The following DNAJC3 variants were observed in gnomAD, a reference collection of about 807,000 sequenced individuals.
DNAJC3 encodes the protein dnaJ homolog subfamily C member 3.
DNAJC3 carries 38 observed loss-of-function variants against 68.6 expected under a neutral mutation model. The observed-to-expected ratio is 0.55, with a 90% CI of 0.43 to 0.73. DNAJC3 has a LOEUF of 0.73. Among genes scored for constraint, DNAJC3 ranks in the 30% least tolerant of loss-of-function variants. The pLI is 0.00. For missense variants in DNAJC3, 526 were observed against 591.9 expected (o/e 0.89, Z 1.16); for synonymous variants, 203 against 204.0 (o/e 1.00, Z 0.04).
At chr13:95,697,869 T>TTCAACCTTCTCTTGGTTC (rs1880491577) in intron 1 of DNAJC3, among the ~76,000 whole-genome samples, 1 of 151,816 alleles carries the variant, frequency 6.6e-6, no homozygotes, top group Non-Finnish European at 1.5e-5. Context: ...TGTGTTGGTT[T>TTCAACCTTCTCTTGGTTC]TCAACCTTCT....
intron 1 of DNAJC3, among the ~76,000 whole-genome samples, chr13:95,690,929 C>G (rs1287734268): frequency 7.8e-6 from 1 of 128,356 alleles, no homozygotes; most frequent in South Asian, 2.5e-4. Context: ...TGACCCCCCC[C>G]ACCTCCCTCC....
Position 95,760,170 on chromosome 13 carries a change from A to G in DNAJC3, c.677A>G (p.Tyr226Cys). 1 of 1,612,112 alleles carries G rather than the reference A, an allele frequency of 6.2e-7. No homozygotes were observed. Among genetic ancestry groups the G allele is most frequent in the South Asian group, 1.1e-5 (1 of 90,800 alleles). ...KLKNDNTEAF[Y>C]KISTLYYQLG... ...AAGAATGATAATACTGAAGCGTTTT[A>G]TAAAATAAGCACACTGTACTACCAA... Residue 226 changes from tyrosine to cysteine, a missense_variant, in exon 6 of 12, where the codon TAT (tyrosine) becomes TGT (cysteine). Tyr to Cys is a radical substitution (Grantham distance 194). Coordinates refer to ENST00000602402, the MANE Select transcript of DNAJC3 (RefSeq NM_006260.5).
At chr13:95,743,541 A>C (rs1882212353) in intron 4 of DNAJC3, among the ~76,000 whole-genome samples, 1 of 152,202 alleles carries the variant, frequency 6.6e-6, no homozygotes, top group Non-Finnish European at 1.5e-5. Context: ...AGACAGCCTC[A>C]GGCCACTGGC....
At chr13:95,742,051 G>A (rs1470582549) in intron 4 of DNAJC3, among the ~76,000 whole-genome samples, 3 of 152,214 alleles carry the variant, frequency 2.0e-5, no homozygotes, top group Non-Finnish European at 4.4e-5. Context: ...CTGCTACTGG[G>A]TAAGGCGGGG....
intron 4 of DNAJC3, among the ~76,000 whole-genome samples, chr13:95,752,740 C>T (rs1271798268): frequency 1.3e-5 from 2 of 152,164 alleles, no homozygotes; most frequent in Non-Finnish European, 2.9e-5. Context: ...TTTGTACTCA[C>T]AGACCCCTGA....
Position 95,794,807 on chromosome 13 carries a change from T to G in DNAJC3, c.*3777T>G, listed in dbSNP as rs1330443202. On this transcript the variant is annotated 3_prime_UTR_variant, in exon 12 of 12. Transcript: ENST00000602402. Reference sequence around the variant, plus strand: ...GTTTGTGAAAATATTACTCTTGCTGTGAGGTTTTAGTTTGTTTTGAATGAG... The same window carrying G: ...GTTTGTGAAAATATTACTCTTGCTGGGAGGTTTTAGTTTGTTTTGAATGAG... 2 of 152,216 alleles carry G rather than the reference T, an allele frequency of 1.3e-5. No homozygotes were observed. Among genetic ancestry groups the G allele is most frequent in the Non-Finnish European group, 2.9e-5 (2 of 68,046 alleles). 9.4% of individuals were successfully genotyped at this position (152,216 alleles called of 1,614,324 possible). A position where few individuals can be genotyped will look rare whatever the true frequency, so the allele number is the denominator to read the frequency against.
chr13:95,712,933 A>G (rs1881020699), intron 2 of DNAJC3, among the ~76,000 whole-genome samples: 3 of 151,942 alleles, frequency 2.0e-5, no homozygotes, highest in Admixed American at 6.6e-5. Flanking sequence ...GGGGGTGGTT[A>G]CCCCCATGCT....
intron 4 of DNAJC3, among the ~76,000 whole-genome samples, chr13:95,732,397 C>T (rs1054253465): frequency 5.9e-5 from 9 of 152,224 alleles, no homozygotes; most frequent in African/African-American, 1.9e-4. Flanking sequence ...TAGGTTCAGC[C>T]TTGGTAGGCT....
At chr13:95,745,624 C>CA (rs1033160357) in intron 4 of DNAJC3, 3 of 152,212 alleles carry the variant, frequency 2.0e-5, no homozygotes, top group African/African-American at 7.2e-5. Flanking sequence ...TGTTTTCAAA[C>CA]AAATTCCTTA....
At chr13:95,745,604 A>G (rs758482291) in intron 4 of DNAJC3, 3 of 152,164 alleles carry the variant, frequency 2.0e-5, no homozygotes, top group Non-Finnish European at 2.9e-5. Context: ...CCTGTATCCA[A>G]TGTTCTCTTT....
At chr13:95,682,038 C>T (rs1031302881) in intron 1 of DNAJC3, among the ~76,000 whole-genome samples, 3 of 152,168 alleles carry the variant, frequency 2.0e-5, no homozygotes, top group African/African-American at 7.2e-5. Flanking sequence ...AATGTTGCTC[C>T]TACAGTTGTA....
chr13:95,768,311 A>G (rs1305672284), intron 9 of DNAJC3, among the ~76,000 whole-genome samples: 2 of 152,214 alleles, frequency 1.3e-5, no homozygotes, highest in Non-Finnish European at 2.9e-5. Context: ...CAACATCTAA[A>G]TCCGTGGTTT....
chr13:95,691,678 C>T (rs1218663895), intron 1 of DNAJC3, among the ~76,000 whole-genome samples: 4 of 152,238 alleles, frequency 2.6e-5, no homozygotes, highest in East Asian at 1.9e-4. Flanking sequence ...GCTGCAATCT[C>T]GGCACTTTGG....
rs1238366430 is a variant in DNAJC3, at chr13:95,790,989, A to G, written c.1474A>G (p.Ser492Gly). ...CTCATGGCAAGGGTTCAATCCCTTC[A>G]GCTCAGGCGGACCATTTAGATTTAA... is the stretch of plus-strand genomic sequence containing the variant. ...WNSWQGFNPF[S>G]SGGPFRFKFH... The change falls in exon 12 of 12, where the codon AGC becomes GGC. Residue 492 changes from serine (S) to glycine (G), a missense_variant. Ser to Gly is a moderately conservative substitution (Grantham distance 56, BLOSUM62 0). Transcript: ENST00000602402. The G allele has an allele frequency of 6.2e-7, 1 of 1,613,840 alleles. No homozygotes were observed. Among genetic ancestry groups the G allele is most frequent in the Non-Finnish European group, 8.5e-7 (1 of 1,179,930 alleles).
At chr13:95,773,698 C>T (rs1883219012) in intron 9 of DNAJC3, among the ~76,000 whole-genome samples, 2 of 140,436 alleles carry the variant, frequency 1.4e-5, no homozygotes, top group Admixed American at 7.0e-5. Flanking sequence ...TCCTGTTGAT[C>T]ATTGTAGACA....
intron 4 of DNAJC3, among the ~76,000 whole-genome samples, chr13:95,726,637 G>C (rs950083641): frequency 6.6e-6 from 1 of 152,068 alleles, no homozygotes; most frequent in Non-Finnish European, 1.5e-5. Context: ...GTCATTGAAG[G>C]GGGTATATAC....
intron 1 of DNAJC3, among the ~76,000 whole-genome samples, chr13:95,688,689 G>A (rs896007392): frequency 6.6e-6 from 1 of 151,984 alleles, no homozygotes; most frequent in African/African-American, 2.4e-5. Flanking sequence ...CTTTTTTGCA[G>A]AGATGGGGTT....
At chr13:95,723,102 T>A (rs1312152715) in intron 2 of DNAJC3, 140 bp from the exon 3 acceptor site, 1 of 809,718 alleles carries the variant, frequency 1.2e-6, no homozygotes, top group Non-Finnish European at 1.8e-6. Flanking sequence ...GCAACATGAC[T>A]CTTTTTTGAT....
intron 4 of DNAJC3, among the ~76,000 whole-genome samples, chr13:95,751,386 A>G (rs1029261805): frequency 3.3e-5 from 5 of 152,374 alleles, no homozygotes; most frequent in South Asian, 4.1e-4. Flanking sequence ...GATAAGATTG[A>G]GAACTACATA....
Sources: gnomAD v4.1 joint callset for allele counts (sites outside exome capture counted in the v4.1 genomes callset) on GRCh38, gnomAD v4.1.1 for gene constraint, MANE v1.5 for transcripts, NCBI Gene and HGNC (gene_info 2026-07-23, HGNC 2026-07-21) for gene names.